The following ZNF48 variants were observed in gnomAD, a reference collection of about 807,000 sequenced individuals.
The protein encoded by ZNF48 is zinc finger protein 48.
A neutral mutation model predicts 40.0 loss-of-function variants in ZNF48; 20 were observed. The observed-to-expected ratio is 0.50, with a 90% CI of 0.35 to 0.73. The LOEUF is 0.73. Ranked by LOEUF, ZNF48 falls within the 30% of genes least tolerant of loss-of-function variation. The pLI is 0.01. For missense variants in ZNF48, 726 were observed against 851.9 expected, an observed-to-expected ratio of 0.85 and a Z score of 1.84; for synonymous variants, 298 against 329.7, an observed-to-expected ratio of 0.90 and a Z score of 1.04.
At position 30,381,704 on chromosome 16, in the gene ZNF48, T is replaced by C; in HGVS notation, c.-16+3294T>C. On this transcript the variant is annotated intron_variant, in intron 1 of 2. Transcript: ENST00000528032. The surrounding 1 kb of genome is among the most constrained non-coding windows in gnomAD (Gnocchi z 4.3). ...CCAGCACAAACCAGTCCTGTAACTC[T>C]CCAGGGAGTCGCCACTGTGAAAGGC... 6.2e-7 allele frequency: 1 copy of C among 1,604,216 alleles called. No homozygotes were observed. The highest frequency in any genetic ancestry group is 8.5e-7 in the Non-Finnish European group (1 of 1,175,304).
rs576143094 is a variant in ZNF48, at chr16:30,388,575, G to A, written c.-15-7205G>A. 1.7e-4 allele frequency among the ~76,000 whole-genome samples: 26 copies of A among 152,132 alleles called. No individual in the cohort carries two copies. The East Asian group carries it at 4.5e-3, about 26-fold the overall frequency. On this transcript the variant is annotated intron_variant, in intron 1 of 2. Transcript: ENST00000528032. The stretch of plus-strand genomic sequence containing the variant: ...GCCAGGCCAGGTGCAGTGGCAATAG[G>A]GCGAGACCTTGTCTCAAAAAAAACA...
At position 30,395,455 on chromosome 16, in the gene ZNF48, TCCG is replaced by T. The variant is rs1354364940; in HGVS notation, c.-138_-136del. The T allele has an allele frequency of 2.9e-6, 1 of 340,702 alleles. No homozygotes were observed. The highest frequency in any genetic ancestry group is 2.3e-5 in the African/African-American group (1 of 43,690). 21.1% of individuals were successfully genotyped at this position (340,702 alleles called of 1,614,324 possible). On this transcript the variant is annotated 5_prime_UTR_variant, in exon 1 of 3. Coordinates refer to ENST00000613509, the MANE Select transcript of ZNF48 (RefSeq NM_001214909.2). This position sits in a 1 kb window ranked among gnomAD's most constrained non-coding sequence, Gnocchi z 5.9. Reference sequence around the variant, plus strand: ...GGTGGCCGCCCCCGGGACGCCTGGGTCCGAGCCCGCTCCCGGCTTGGCGCGGAG... The same window carrying T: ...GGTGGCCGCCCCCGGGACGCCTGGGTAGCCCGCTCCCGGCTTGGCGCGGAG...
At chr16:30,378,871 G>GGAGA (rs2049794450) in intron 1 of ZNF48, 2 of 707,928 alleles carry the variant, frequency 2.8e-6, no homozygotes, top group East Asian at 3.0e-5. Flanking sequence ...AGGGAGAGAC[G>GGAGA]GAGAGAGGGA....
At chr16:30,396,414 C>T (rs1277489386) in intron 2 of ZNF48, among the ~76,000 whole-genome samples, 2 of 152,116 alleles carry the variant, frequency 1.3e-5, no homozygotes, top group Non-Finnish European at 2.9e-5. Context: ...CTTGTGACAA[C>T]ATAGTTATTC....
chr16:30,378,461 G>A (rs771493820), intron 1 of ZNF48: 6 of 1,575,818 alleles, frequency 3.8e-6, no homozygotes, highest in African/African-American at 2.7e-5. Context: ...GCTCGCCCTG[G>A]GCCTGGCTCT....
rs767498032 is a variant in ZNF48, at chr16:30,398,827, T to C, written c.1577T>C (p.Met526Thr). ...RPHNPPGPVP[M>T]APRPRVRAQP... ...CATAACCCACCTGGCCCAGTACCCATGGCCCCTCGACCCCGAGTTCGGGCC... is the reference window on the plus strand; with the variant it reads ...CATAACCCACCTGGCCCAGTACCCACGGCCCCTCGACCCCGAGTTCGGGCC... The change falls in exon 3 of 3, where the codon ATG (methionine) becomes ACG (threonine). Residue 526 changes from methionine (M) to threonine (T), a missense_variant. Coordinates refer to ENST00000613509, the MANE Select transcript of ZNF48 (RefSeq NM_001214909.2). This position sits in a 1 kb window ranked among gnomAD's most constrained non-coding sequence, Gnocchi z 6.6. The C allele has an allele frequency of 6.2e-7, 1 of 1,613,786 alleles. No homozygotes were observed.
chr16:30,387,834 A>G (rs2049913200), intron 1 of ZNF48, among the ~76,000 whole-genome samples: 1 of 151,884 alleles, frequency 6.6e-6, no homozygotes, highest in South Asian at 2.1e-4. Flanking sequence ...CTATCTTTCT[A>G]TAACCCAATT....
chr16:30,386,718 G>A (rs1324439238), intron 1 of ZNF48, among the ~76,000 whole-genome samples: 3 of 152,012 alleles, frequency 2.0e-5, no homozygotes, highest in Non-Finnish European at 4.4e-5. Context: ...AAGCTGGAGT[G>A]CAATGGTGTG....
chr16:30,389,035 C>T (rs1355595464), intron 1 of ZNF48, among the ~76,000 whole-genome samples: 3 of 151,760 alleles, frequency 2.0e-5, no homozygotes, highest in Admixed American at 6.6e-5. Context: ...CTGAGGCAGG[C>T]GGATCATGAG....
At position 30,381,505 on chromosome 16, in the gene ZNF48, A is replaced by G; in HGVS notation, c.-16+3095A>G. On this transcript the variant is annotated intron_variant, in intron 1 of 2. Coordinates refer to the ZNF48 transcript ENST00000528032. The surrounding 1 kb of genome is among the most constrained non-coding windows in gnomAD (Gnocchi z 4.3). ...GTGGGGAGAGGATGTGAGGTCAGAGATCAAAGGCCAGAGGGCAGGGGGCAA... is the reference window on the plus strand; with the variant it reads ...GTGGGGAGAGGATGTGAGGTCAGAGGTCAAAGGCCAGAGGGCAGGGGGCAA... 6.2e-7 allele frequency: 1 copy of G among 1,613,136 alleles called. No homozygotes were observed. Among genetic ancestry groups the G allele is most frequent in the Non-Finnish European group, 8.5e-7 (1 of 1,179,538 alleles).
Position 30,397,738 on chromosome 16 carries a change from G to C in ZNF48, c.488G>C (p.Ser163Thr). The C allele has an allele frequency of 1.2e-6, 2 of 1,613,900 alleles. No individual in the cohort carries two copies. The highest frequency in any genetic ancestry group is 1.3e-5 in the African/African-American group (1 of 74,978). The change falls in exon 3 of 3, where the codon AGT becomes ACT. Residue 163 changes from serine (S) to threonine (T), a missense_variant. Ser to Thr is a moderately conservative substitution (Grantham distance 58, BLOSUM62 1). Transcript: ENST00000613509. The surrounding 1 kb of genome is among the most constrained non-coding windows in gnomAD (Gnocchi z 4.1). ...SARIKHQRTH[S>T]GEKPYRARPP... ...CGGATCAAACACCAGCGGACTCATA[G>C]TGGGGAGAAGCCCTATAGAGCCCGG...
At chr16:30,380,088 T>G (rs1402909867) in intron 1 of ZNF48, 1 of 1,455,324 alleles carries the variant, frequency 6.9e-7, no homozygotes, top group Admixed American at 1.9e-5. Flanking sequence ...GACAGACATT[T>G]CATGACCAGA....
upstream of ZNF48, among the ~76,000 whole-genome samples, chr16:30,390,742 T>C (rs553401606): frequency 6.6e-6 from 1 of 150,864 alleles, no homozygotes; most frequent in South Asian, 2.1e-4. Flanking sequence ...TGCCTCAGCC[T>C]CCTGAGTAGC....
In ZNF48 at chr16:30,381,330, C is replaced by A; in HGVS notation, c.-16+2920C>A. 1 of 1,613,192 alleles carries A rather than the reference C, an allele frequency of 6.2e-7. No individual in the cohort carries two copies. The highest frequency in any genetic ancestry group is 8.5e-7 in the Non-Finnish European group (1 of 1,179,514). On this transcript the variant is annotated intron_variant, in intron 1 of 2. Transcript: ENST00000528032. This position sits in a 1 kb window ranked among gnomAD's most constrained non-coding sequence, Gnocchi z 4.3. The stretch of plus-strand genomic sequence containing the variant: ...AAATGCGCCAGCCCCCAGGATCCCC[C>A]CACCAGACCCCCGGCCGAAGGGTGA...
chr16:30,391,158 T>C (rs1264288563), upstream of ZNF48, among the ~76,000 whole-genome samples: 25 of 152,216 alleles, frequency 1.6e-4, no homozygotes. Flanking sequence ...TCCATAGTCA[T>C]CTTTGGATCT....
chr16:30,382,310 A>G lies in ZNF48; in HGVS notation c.-16+3900A>G. 4 of 1,613,822 alleles carry G rather than the reference A, an allele frequency of 2.5e-6. No individual in the cohort carries two copies. Among genetic ancestry groups the G allele is most frequent in the Non-Finnish European group, 3.4e-6 (4 of 1,179,840 alleles). ...TAGCGTGAAGTCAAACCCCTTCTTG[A>G]CAGACTTGCGGTGCAGCTGGTTGGG... On this transcript the variant is annotated intron_variant, in intron 1 of 2. Coordinates refer to the ZNF48 transcript ENST00000528032. The surrounding 1 kb of genome is among the most constrained non-coding windows in gnomAD (Gnocchi z 4.8).
chr16:30,393,911 G>A (rs1208022134), upstream of ZNF48, among the ~76,000 whole-genome samples: 1 of 151,662 alleles, frequency 6.6e-6, no homozygotes, highest in South Asian at 2.1e-4. Context: ...TAGAGACAAG[G>A]TCCACTTTTT....
At position 30,398,387 on chromosome 16, in the gene ZNF48, C is replaced by G; in HGVS notation, c.1137C>G (p.Leu379=). The change falls in exon 3 of 3, where the codon CTC becomes CTG. Residue 379 remains leucine (L), a synonymous_variant. Transcript: ENST00000613509. This position sits in a 1 kb window ranked among gnomAD's most constrained non-coding sequence, Gnocchi z 6.6. ...SLSSTLLRHR[L]THMEPQDFSF... is the part of the protein sequence containing the mutation. Reference sequence around the variant, plus strand: ...GCTCCACCCTTCTTCGCCACCGCCTCACTCACATGGAGCCCCAGGACTTCA... The same window carrying G: ...GCTCCACCCTTCTTCGCCACCGCCTGACTCACATGGAGCCCCAGGACTTCA... 6.2e-7 allele frequency: 1 copy of G among 1,612,774 alleles called. No individual in the cohort carries two copies. The highest frequency in any genetic ancestry group is 8.5e-7 in the Non-Finnish European group (1 of 1,179,226).
At chr16:30,387,141 C>T (rs1380196161) in intron 1 of ZNF48, among the ~76,000 whole-genome samples, 1 of 149,350 alleles carries the variant, frequency 6.7e-6, no homozygotes, top group Non-Finnish European at 1.5e-5. Context: ...GACAGGGTTT[C>T]ACCGTGTTAG....
Sources: gnomAD v4.1 joint callset for allele counts (sites outside exome capture counted in the v4.1 genomes callset) on GRCh38, gnomAD v4.1.1 for gene constraint, Gnocchi (gnomAD v3.1) non-coding constraint, MANE v1.5 for transcripts, NCBI Gene and HGNC (gene_info 2026-07-23, HGNC 2026-07-21) for gene names.